TRIM15: variants seen among roughly 807,000 people sequenced by gnomAD.
The protein encoded by TRIM15 is E3 ubiquitin-protein ligase TRIM15.
TRIM15 carries 35 observed loss-of-function variants against 35.8 expected under a neutral mutation model. The observed-to-expected ratio is 0.98, with a 90% CI of 0.75 to 1.30. The LOEUF is 1.30. Among genes scored for constraint, TRIM15 ranks in the 50% most tolerant of loss-of-function variants. The pLI, the probability that TRIM15 is intolerant of heterozygous loss-of-function variation, is 0.00. For synonymous variants in TRIM15, 252 were observed against 249.8 expected (o/e 1.01, Z -0.08); for missense variants, 590 against 593.5 (o/e 0.99, Z 0.06).
In TRIM15 at chr6:30,172,644, G is replaced by GA. The variant is rs758726155; in HGVS notation, c.*303dup. The GA allele has an allele frequency of 7.0e-4, 431 of 616,474 alleles. No homozygotes were observed. The highest frequency in any genetic ancestry group is 6.8e-3 in the African/African-American group (366 of 53,950). 38.2% of individuals were successfully genotyped at this position (616,474 alleles called of 1,614,324 possible). ...ACCTAGGAGCCAGCGGGCTTTCGGGGAAAAAAAAGAAAAAGACATCTAAAA... is the reference window on the plus strand; with the variant it reads ...ACCTAGGAGCCAGCGGGCTTTCGGGGAAAAAAAAAGAAAAAGACATCTAAAA... On this transcript the variant is annotated 3_prime_UTR_variant, in exon 7 of 7. Transcript: ENST00000376694.
At position 30,172,016 on chromosome 6, in the gene TRIM15, G is replaced by T; in HGVS notation, c.1065G>T (p.Leu355=). Residue 355 remains leucine, a synonymous_variant, in exon 7 of 7, where the codon CTG becomes CTT. Coordinates refer to ENST00000376694, the MANE Select transcript of TRIM15 (RefSeq NM_033229.3). Reference sequence around the variant, plus strand: ...GGCGCCACCGCTGGCAGGTTGACCTGCAGCTGGGCGACGGCGGCGGCTGCA... The same window carrying T: ...GGCGCCACCGCTGGCAGGTTGACCTTCAGCTGGGCGACGGCGGCGGCTGCA... The part of the protein sequence containing the change: ...SSGRHRWQVD[L]QLGDGGGCTV... 1 of 1,575,136 alleles carries T rather than the reference G, an allele frequency of 6.3e-7. No individual in the cohort carries two copies.
In TRIM15 at chr6:30,170,483, T is replaced by C; in HGVS notation, c.732-18T>C. 6.3e-7 allele frequency: 1 copy of C among 1,595,466 alleles called. No homozygotes were observed. The highest frequency in any genetic ancestry group is 8.6e-7 in the Non-Finnish European group (1 of 1,164,698). ...TTTTTGGAATTTGGACCTAACTGGT[T>C]ACCAAACCTGTCTGCAGGTGTGAGA... On this transcript the variant is annotated intron_variant, in intron 4 of 6. Coordinates refer to ENST00000376694, the MANE Select transcript of TRIM15 (RefSeq NM_033229.3).
chr6:30,170,956 T>C lies in TRIM15; in HGVS notation c.848-20T>C. 6.2e-7 allele frequency: 1 copy of C among 1,610,096 alleles called. No individual in the cohort carries two copies. Among genetic ancestry groups the C allele is most frequent in the Non-Finnish European group, 8.5e-7 (1 of 1,178,798 alleles). On this transcript the variant is annotated intron_variant, in intron 5 of 6. Coordinates refer to ENST00000376694, the MANE Select transcript of TRIM15 (RefSeq NM_033229.3). Reference sequence around the variant, plus strand: ...AAGTAATAAGTCACAGATCTCTCTTTCTATTTCTGCTTCCCTCAGAAAACT... The same window carrying C: ...AAGTAATAAGTCACAGATCTCTCTTCCTATTTCTGCTTCCCTCAGAAAACT...
At position 30,168,583 on chromosome 6, in the gene TRIM15, G is replaced by C. The variant is rs138415453; in HGVS notation, c.708+53G>C. On this transcript the variant is annotated intron_variant, in intron 3 of 6. Transcript: ENST00000376694. ...ATAAGAGAGGGACTCCACGGGGAAG[G>C]GGGTGGGCACCATGCTTTGGGCTGG... The C allele has an allele frequency of 1.3e-5, 19 of 1,501,798 alleles. No individual in the cohort carries two copies. In the South Asian group the frequency reaches 2.2e-4, roughly 17 times the overall value. The allele number at this position is 1,501,798 out of a possible 1,614,324, so 93.0% of individuals were successfully genotyped here. A position where few individuals can be genotyped will look rare whatever the true frequency, so the allele number is the denominator to read the frequency against.
Position 30,167,170 on chromosome 6 carries a change from C to T in TRIM15, c.382-6C>T. 1 of 1,611,764 alleles carries T rather than the reference C, an allele frequency of 6.2e-7. No individual in the cohort carries two copies. The stretch of plus-strand genomic sequence containing the variant: ...CACCTCTATCCACCCATTCTTCTCC[C>T]CACAGGATCGTCTCAGGAGTCGACT... On this transcript the variant is annotated splice_region_variant and splice_polypyrimidine_tract_variant and intron_variant, in intron 1 of 6. Coordinates refer to ENST00000376694, the MANE Select transcript of TRIM15 (RefSeq NM_033229.3).
intron 1 of TRIM15, among the ~76,000 whole-genome samples, chr6:30,165,366 T>C (rs1356201677): frequency 6.6e-6 from 1 of 152,260 alleles, no homozygotes; most frequent in Non-Finnish European, 1.5e-5. Flanking sequence ...TGGTTTTCTG[T>C]TCCTGTGTTA....
intron 3 of TRIM15, 117 bp downstream of exon 3, chr6:30,168,647 G>C: frequency 1.0e-6 from 1 of 1,002,252 alleles, no homozygotes; most frequent in East Asian, 2.6e-5. Context: ...GGTTAACGGG[G>C]TGCAGATCCA....
At chr6:30,164,355 C>A (rs1160781489) in intron 1 of TRIM15, among the ~76,000 whole-genome samples, 1 of 152,124 alleles carries the variant, frequency 6.6e-6, no homozygotes, top group Admixed American at 6.5e-5. Flanking sequence ...AGCTCCAATG[C>A]CGAGTGGGAT....
chr6:30,169,512 A>G (rs1170347313), intron 4 of TRIM15: 4 of 696,766 alleles, frequency 5.7e-6, no homozygotes, highest in East Asian at 2.7e-5. Flanking sequence ...ATAAATAATA[A>G]TCATGTTTTT....
Position 30,172,195 on chromosome 6 carries a change from T to TA in TRIM15, c.1244_1245insA (p.Arg416GlufsTer143). On this transcript the variant is annotated frameshift_variant, in exon 7 of 7. Coordinates refer to ENST00000376694, the MANE Select transcript of TRIM15 (RefSeq NM_033229.3). LOFTEE classifies it low-confidence loss of function (END_TRUNC). ...CCGCTGAGCGAGATCCCGCGCGGCG[T>TA]GAGAGTCGCCCTGGACTACGAGGCG... 1 of 1,609,838 alleles carries TA rather than the reference T, an allele frequency of 6.2e-7. No homozygotes were observed. Among genetic ancestry groups the TA allele is most frequent in the South Asian group, 1.1e-5 (1 of 90,638 alleles).
At position 30,169,329 on chromosome 6, in the gene TRIM15, G is replaced by T. The variant is rs1447881453; in HGVS notation, c.731+66G>T. On this transcript the variant is annotated intron_variant, in intron 4 of 6. Transcript: ENST00000376694. ...TCAAGACTGAATGGGAAGGGGCAGG[G>T]GCACTTACTGCCACCCACTTTGCCA... 26 of 1,587,404 alleles carry T rather than the reference G, an allele frequency of 1.6e-5. No homozygotes were observed. The East Asian group carries it at 5.6e-4, about 34-fold the overall frequency.
rs1464151976 is a variant in TRIM15 at position 30,172,383 on chromosome 6, G to T, written c.*34G>T. 4 of 1,563,814 alleles carry T rather than the reference G, an allele frequency of 2.6e-6. No individual in the cohort carries two copies. Among genetic ancestry groups the T allele is most frequent in the Middle Eastern group, 3.8e-4 (2 of 5,276 alleles). On this transcript the variant is annotated 3_prime_UTR_variant, in exon 7 of 7. Coordinates refer to ENST00000376694, the MANE Select transcript of TRIM15 (RefSeq NM_033229.3). ...GCGCGAAGGGCGGCGAAGCGGAGAC[G>T]GCGGCTCTCCGGGATCCAGCTCCGC... is the stretch of plus-strand genomic sequence containing the variant.
At chr6:30,170,712 G>A (rs114344980) in intron 5 of TRIM15, 96 bp downstream of exon 5, 12,965 of 1,003,700 alleles carry the variant, frequency 0.013, 159 homozygotes, top group Middle Eastern at 0.03. Context: ...AACCTGGCTC[G>A]AGACATCTTC....
In TRIM15 at chr6:30,164,006, G is replaced by T. The variant is rs1180250593; in HGVS notation, c.322G>T (p.Gly108Cys). 6.2e-7 allele frequency: 1 copy of T among 1,613,138 alleles called. No homozygotes were observed. The highest frequency in any genetic ancestry group is 1.1e-5 in the South Asian group (1 of 91,080). The part of the protein sequence containing the change: ...AEFLCVFCRE[G>C]PTHQAHTVGF... ...GTTCCTCTGTGTGTTCTGCAGGGAGGGTCCCACGCACCAGGCGCACACCGT... is the reference window on the plus strand; with the variant it reads ...GTTCCTCTGTGTGTTCTGCAGGGAGTGTCCCACGCACCAGGCGCACACCGT... Residue 108 changes from glycine to cysteine, a missense_variant, in exon 1 of 7, where the codon GGT becomes TGT. Coordinates refer to ENST00000376694, the MANE Select transcript of TRIM15 (RefSeq NM_033229.3).
At position 30,163,819 on chromosome 6, in the gene TRIM15, G is replaced by C. The variant is rs773450878; in HGVS notation, c.135G>C (p.Gln45His). Reference sequence around the variant, plus strand: ...GGCTCTGCCTCCCCGCGCTCTCCCAGATGGGGGCCCAATCCTCGGGCAAGA... The same window carrying C: ...GGCTCTGCCTCCCCGCGCTCTCCCACATGGGGGCCCAATCCTCGGGCAAGA... Reference protein sequence around the residue: ...FCRLCLPALSQMGAQSSGKIL... With the variant: ...FCRLCLPALSHMGAQSSGKIL... Residue 45 changes from glutamine (Q) to histidine (H), a missense_variant, in exon 1 of 7, where the codon CAG (glutamine) becomes CAC (histidine). Gln to His is a conservative substitution (Grantham distance 24). Transcript: ENST00000376694. 1.2e-6 allele frequency: 2 copies of C among 1,613,044 alleles called. No homozygotes were observed. Among genetic ancestry groups the C allele is most frequent in the South Asian group, 2.2e-5 (2 of 91,086 alleles).
In TRIM15 at chr6:30,172,582, C is replaced by T. The variant is rs915024713; in HGVS notation, c.*233C>T. On this transcript the variant is annotated 3_prime_UTR_variant, in exon 7 of 7. Coordinates refer to ENST00000376694, the MANE Select transcript of TRIM15 (RefSeq NM_033229.3). ...CTTCTCTGTACCTCAGAGTGCAGAA[C>T]CACAGACGGCTTCGGCTGTGCCTAG... 1 of 733,686 alleles carries T rather than the reference C, an allele frequency of 1.4e-6. No homozygotes were observed. The allele number at this position is 733,686 out of a possible 1,614,324, so 45.4% of individuals were successfully genotyped here. A position where few individuals can be genotyped will look rare whatever the true frequency, so the allele number is the denominator to read the frequency against.
chr6:30,164,763 C>T (rs1474890417), intron 1 of TRIM15, among the ~76,000 whole-genome samples: 1 of 152,186 alleles, frequency 6.6e-6, no homozygotes, highest in Admixed American at 6.5e-5. Context: ...TTCCAATCTG[C>T]TGGGAGACAG....
At position 30,163,699 on chromosome 6, in the gene TRIM15, G is replaced by A. The variant is rs780980173; in HGVS notation, c.15G>A (p.Pro5=). 1.9e-5 allele frequency: 30 copies of A among 1,608,664 alleles called. No homozygotes were observed. Among genetic ancestry groups the A allele is most frequent in the Non-Finnish European group, 2.2e-5 (26 of 1,177,262 alleles). The change falls in exon 1 of 7, where the codon CCG becomes CCA. Residue 5 remains proline, a synonymous_variant. Coordinates refer to ENST00000376694, the MANE Select transcript of TRIM15 (RefSeq NM_033229.3). MPAT[P]SLKVVHELPA... ...AAGGCACCGTGATGCCCGCAACCCCGTCCCTGAAGGTGGTCCATGAGCTGC... is the reference window on the plus strand; with the variant it reads ...AAGGCACCGTGATGCCCGCAACCCCATCCCTGAAGGTGGTCCATGAGCTGC...
intron 1 of TRIM15, among the ~76,000 whole-genome samples, chr6:30,166,184 T>A (rs1447320833): frequency 6.6e-6 from 1 of 152,238 alleles, no homozygotes. Flanking sequence ...TGCCCATGCC[T>A]ATGTCCTGAA....
Sources: gnomAD v4.1 joint callset for allele counts (sites outside exome capture counted in the v4.1 genomes callset) on GRCh38, gnomAD v4.1.1 for gene constraint, MANE v1.5 for transcripts, NCBI Gene and HGNC (gene_info 2026-07-23, HGNC 2026-07-21) for gene names.